The following GLIS3 variants were observed in gnomAD, a reference collection of about 807,000 sequenced individuals.
GLIS3 encodes the protein zinc finger protein GLIS3.
GLIS3 carries 53 observed loss-of-function variants against 78.6 expected under a neutral mutation model. That is an observed-to-expected ratio of 0.67 (90% CI 0.54 to 0.85). GLIS3 has a LOEUF of 0.85. Among genes scored for constraint, GLIS3 ranks in the 40% least tolerant of loss-of-function variants. GLIS3 has a pLI of 0.00. For synonymous variants in GLIS3, 684 were observed against 509.9 expected (o/e 1.34, Z -4.60); for missense variants, 1,703 against 1,231.1 (o/e 1.38, Z -5.74).
intron 2 of GLIS3, among the ~76,000 whole-genome samples, chr9:4,263,957 G>A (rs1488297964): frequency 6.6e-6 from 1 of 151,992 alleles, no homozygotes; most frequent in South Asian, 2.1e-4. Flanking sequence ...GTCCTTTGCA[G>A]TCTTATGACA....
chr9:4,373,137 G>C, the GLIS3 span, among the ~76,000 whole-genome samples: 1 of 152,214 alleles, frequency 6.6e-6, no homozygotes, highest in East Asian at 1.9e-4. Context: ...ACGGGCTTTT[G>C]TGATTTCCCC....
chr9:4,308,482 T>G (rs1287866334), intron 4 of GLIS3, among the ~76,000 whole-genome samples: 1 of 151,806 alleles, frequency 6.6e-6, no homozygotes, highest in Non-Finnish European at 1.5e-5. Flanking sequence ...GAAAGGACCT[T>G]GTTCTGCCCC....
intron 2 of GLIS3, among the ~76,000 whole-genome samples, chr9:4,225,314 G>A (rs1038940591): frequency 9.2e-5 from 14 of 152,126 alleles, no homozygotes; most frequent in African/African-American, 2.7e-4. Flanking sequence ...TTTCTAAGTA[G>A]TATAGACCTG....
chr9:4,205,228 A>C (rs1178781185), intron 2 of GLIS3, among the ~76,000 whole-genome samples: 1 of 148,882 alleles, frequency 6.7e-6, no homozygotes, highest in African/African-American at 2.5e-5. Context: ...ACAGCAAGCC[A>C]CTATTATTGC....
chr9:4,455,014 T>G, the GLIS3 span, among the ~76,000 whole-genome samples: 1 of 152,230 alleles, frequency 6.6e-6, no homozygotes, highest in Non-Finnish European at 1.5e-5. Flanking sequence ...TTAGTGTTTT[T>G]CCACTTCACT....
chr9:4,232,413 AAAAG>A (rs1455314616), intron 2 of GLIS3, among the ~76,000 whole-genome samples: 5 of 151,574 alleles, frequency 3.3e-5, no homozygotes, highest in Non-Finnish European at 7.4e-5. Context: ...AAAAGAAAAA[AAAAG>A]AAAGAAACAA....
chr9:4,216,732 G>C (rs371945941), intron 2 of GLIS3, among the ~76,000 whole-genome samples: 19 of 152,038 alleles, frequency 1.2e-4, no homozygotes, highest in African/African-American at 4.3e-4. Context: ...TTCAGGTTTC[G>C]AAACTCCCAA....
At chr9:4,184,160 CA>C (rs1430599397) in intron 2 of GLIS3, among the ~76,000 whole-genome samples, 1 of 152,058 alleles carries the variant, frequency 6.6e-6, no homozygotes, top group Non-Finnish European at 1.5e-5. Flanking sequence ...ATTCCAAAAT[CA>C]AGGGTATAAG....
chr9:4,212,602 A>G (rs1056066759), intron 2 of GLIS3, among the ~76,000 whole-genome samples: 1 of 152,228 alleles, frequency 6.6e-6, no homozygotes, highest in Non-Finnish European at 1.5e-5. Context: ...TTTTGATATC[A>G]GAAATTCCTG....
intron 4 of GLIS3, among the ~76,000 whole-genome samples, chr9:3,985,587 C>G (rs1251592094): frequency 6.6e-6 from 1 of 152,204 alleles, no homozygotes; most frequent in African/African-American, 2.4e-5. Context: ...AGAATGTCAT[C>G]TTCTACCACA....
chr9:4,462,887 A>T, the GLIS3 span, among the ~76,000 whole-genome samples: 2 of 152,182 alleles, frequency 1.3e-5, no homozygotes, highest in East Asian at 3.8e-4. Flanking sequence ...ACCTGCTTGA[A>T]AGTCATCAAT....
At chr9:4,066,824 T>A (rs990184191) in intron 4 of GLIS3, among the ~76,000 whole-genome samples, 5 of 152,342 alleles carry the variant, frequency 3.3e-5, no homozygotes, top group African/African-American at 1.2e-4. Flanking sequence ...ATTGCACTGC[T>A]GCAGCAGCAT....
chr9:4,323,818 G>A (rs1034268424), intron 2 of GLIS3, among the ~76,000 whole-genome samples: 4 of 152,206 alleles, frequency 2.6e-5, no homozygotes, highest in African/African-American at 2.4e-5. Context: ...TCATAGGGGC[G>A]CAGCAGAAGT....
At chr9:4,129,146 T>C (rs1832779954) in intron 2 of GLIS3, among the ~76,000 whole-genome samples, 2 of 152,228 alleles carry the variant, frequency 1.3e-5, no homozygotes, top group African/African-American at 4.8e-5. Context: ...TAAGTGTTTT[T>C]CATAATGCCA....
At chr9:3,925,915 T>C (rs139414605) in intron 6 of GLIS3, among the ~76,000 whole-genome samples, 2 of 152,330 alleles carry the variant, frequency 1.3e-5, no homozygotes, top group Non-Finnish European at 2.9e-5. Flanking sequence ...TTATACATCA[T>C]GTTGCTTAGA....
chr9:4,063,174 C>T (rs1826801047), intron 4 of GLIS3, among the ~76,000 whole-genome samples: 1 of 152,110 alleles, frequency 6.6e-6, no homozygotes, highest in Non-Finnish European at 1.5e-5. Context: ...GCACATTTCA[C>T]AATATTCCAG....
At chr9:4,338,054 G>A (rs10974479) in intron 2 of GLIS3, among the ~76,000 whole-genome samples, 4 of 150,026 alleles carry the variant, frequency 2.7e-5, no homozygotes, top group African/African-American at 9.9e-5. Context: ...GTGTGTGTGT[G>A]TGTGTGTGTT....
At chr9:3,959,676 A>G (rs1209782592) in intron 4 of GLIS3, among the ~76,000 whole-genome samples, 2 of 152,088 alleles carry the variant, frequency 1.3e-5, no homozygotes, top group African/African-American at 2.4e-5. Flanking sequence ...CCCTGCCCCA[A>G]CACTTCACCT....
chr9:4,135,311 A>C (rs1217681528), intron 2 of GLIS3, among the ~76,000 whole-genome samples: 1 of 152,188 alleles, frequency 6.6e-6, no homozygotes, highest in Non-Finnish European at 1.5e-5. Flanking sequence ...AAAAGCTCAT[A>C]ATCCACCCCC....
Sources: allele counts gnomAD v4.1 joint callset (sites outside exome capture counted in the v4.1 genomes callset), GRCh38; gene constraint gnomAD v4.1.1; transcripts MANE v1.5; gene names NCBI Gene and HGNC (gene_info 2026-07-23, HGNC 2026-07-21).